Variants in MYDGF observed in about 807,000 individuals in gnomAD.
The protein encoded by MYDGF is myeloid-derived growth factor.
MYDGF carries 29 observed loss-of-function variants against 24.2 expected under a neutral mutation model. The observed-to-expected ratio is 1.20, with a 90% CI of 0.89 to 1.63. MYDGF has a LOEUF of 1.63. Among genes scored for constraint, MYDGF ranks in the 40% most tolerant of loss-of-function variants. The pLI, the probability that MYDGF is intolerant of heterozygous loss-of-function variation, is 0.00. For missense variants in MYDGF, 245 were observed against 234.8 expected, an observed-to-expected ratio of 1.04 and a Z score of -0.29; for synonymous variants, 105 against 102.5, an observed-to-expected ratio of 1.02 and a Z score of -0.15.
At chr19:4,668,412 T>C (rs1413054523) in intron 2 of MYDGF, among the ~76,000 whole-genome samples, 183 bp downstream of exon 2, 3 of 152,194 alleles carry the variant, frequency 2.0e-5, no homozygotes, top group Non-Finnish European at 4.4e-5. Flanking sequence ...TGTAGAATAA[T>C]AACAGCAGAA....
chr19:4,667,404 A>G (rs1274671648), intron 2 of MYDGF, among the ~76,000 whole-genome samples: 2 of 152,022 alleles, frequency 1.3e-5, no homozygotes, highest in African/African-American at 4.8e-5. Context: ...CTGGGATTAC[A>G]GGCATGAGCC....
intron 1 of MYDGF, among the ~76,000 whole-genome samples, chr19:4,669,261 G>A (rs2088544527): frequency 2.0e-5 from 3 of 152,208 alleles, no homozygotes; most frequent in African/African-American, 7.2e-5. Context: ...GTCACCTGCG[G>A]TCAGGAGTTC....
chr19:4,660,843 G>C (rs2088465004), intron 3 of MYDGF, 93 bp from the exon 4 acceptor site: 7 of 1,021,222 alleles, frequency 6.9e-6, no homozygotes, highest in African/African-American at 1.6e-5. Flanking sequence ...ACTCGGGCTG[G>C]GGTCAGCAGG....
chr19:4,670,230 G>A lies in MYDGF; in HGVS notation c.105C>T (p.Pro35=). The A allele has an allele frequency of 6.4e-7, 1 of 1,571,364 alleles. No homozygotes were observed. The highest frequency in any genetic ancestry group is 8.6e-7 in the Non-Finnish European group (1 of 1,161,746). ...ALRPAEAVSE[P]TTVAFDVRPG... is the part of the protein sequence containing the mutation. ...GCCGCACGTCAAACGCCACCGTCGT[G>A]GGCTCGGACACCGCCTCCGCCGGCC... Residue 35 remains proline, a synonymous_variant, in exon 1 of 6, where the codon CCC becomes CCT. Transcript: ENST00000262947.
rs577767934 is a variant in MYDGF, at chr19:4,660,558, C to A, written c.369+111G>T. ...ACACACCCTACCTCTGCAGGATTCG[C>A]TGTCCCCTCTCCTCCCTGTCCCCAT... On this transcript the variant is annotated intron_variant, in intron 4 of 5. Transcript: ENST00000262947. 23 of 1,028,240 alleles carry A rather than the reference C, an allele frequency of 2.2e-5. No individual in the cohort carries two copies. In the African/African-American group the frequency reaches 3.5e-4, roughly 16 times the overall value. The allele number at this position is 1,028,240 out of a possible 1,614,324, so 63.7% of individuals were successfully genotyped here.
intron 2 of MYDGF, 49 bp from the exon 3 acceptor site, chr19:4,664,986 C>G (rs202042429): frequency 1.9e-6 from 3 of 1,590,304 alleles, no homozygotes; most frequent in African/African-American, 2.7e-5. Context: ...CAGCTGCTCT[C>G]GGAGACTTCT....
At chr19:4,663,940 G>T (rs1333578637) in intron 3 of MYDGF, among the ~76,000 whole-genome samples, 3 of 151,336 alleles carry the variant, frequency 2.0e-5, no homozygotes, top group Non-Finnish European at 4.4e-5. Flanking sequence ...CAGCCGGGGG[G>T]ATCTGAGCTC....
chr19:4,665,752 C>T (rs1268220251), intron 2 of MYDGF, among the ~76,000 whole-genome samples: 3 of 130,814 alleles, frequency 2.3e-5, no homozygotes, highest in Non-Finnish European at 3.1e-5. Flanking sequence ...ACCCGGGAGG[C>T]GGAGCTTGCA....
Position 4,664,024 on chromosome 19 carries a change from C to G in MYDGF, c.287+852G>C, listed in dbSNP as rs548086861. On this transcript the variant is annotated intron_variant, in intron 3 of 5. Transcript: ENST00000262947. ...GAAATGAGGCTGACACGGGCCTCAGCATGGATGAGCCTTGAGGACGTCACG... is the reference window on the plus strand; with the variant it reads ...GAAATGAGGCTGACACGGGCCTCAGGATGGATGAGCCTTGAGGACGTCACG... Among the ~76,000 whole-genome samples, 273 of 151,792 alleles carry G rather than the reference C, an allele frequency of 1.8e-3. 2 individuals carry two copies. Among genetic ancestry groups the G allele is most frequent in the African/African-American group, 5.8e-3 (240 of 41,352 alleles).
chr19:4,667,234 T>G (rs1156927278), intron 2 of MYDGF, among the ~76,000 whole-genome samples: 1 of 149,372 alleles, frequency 6.7e-6, no homozygotes, highest in Non-Finnish European at 1.5e-5. Context: ...GTTCACGCCA[T>G]TCTCCTGCCT....
chr19:4,666,934 C>G (rs1037718272), intron 2 of MYDGF, among the ~76,000 whole-genome samples: 1 of 152,052 alleles, frequency 6.6e-6, no homozygotes, highest in Non-Finnish European at 1.5e-5. Context: ...ACTGGTAGCT[C>G]AAGGTCCTCT....
chr19:4,667,568 G>A (rs2088531363), intron 2 of MYDGF, among the ~76,000 whole-genome samples: 1 of 152,006 alleles, frequency 6.6e-6, no homozygotes, highest in Non-Finnish European at 1.5e-5. Context: ...CACTGTGCCT[G>A]GCCCAAATCA....
At chr19:4,659,015 C>T (rs1319034779) in intron 5 of MYDGF, among the ~76,000 whole-genome samples, 1 of 151,966 alleles carries the variant, frequency 6.6e-6, no homozygotes, top group Non-Finnish European at 1.5e-5. Flanking sequence ...GTTGGCTAGG[C>T]TGGTCTGGAA....
Position 4,657,705 on chromosome 19 carries a change from G to T in MYDGF, c.*300C>A. 1 of 271,328 alleles carries T rather than the reference G, an allele frequency of 3.7e-6. No individual in the cohort carries two copies. Among genetic ancestry groups the T allele is most frequent in the Non-Finnish European group, 7.0e-6 (1 of 143,242 alleles). The allele number at this position is 271,328 out of a possible 1,614,324, so 16.8% of individuals were successfully genotyped here. A position where few individuals can be genotyped will look rare whatever the true frequency, so the allele number is the denominator to read the frequency against. ...GGGGGGAGCATGGCTGCTTTCCCCAGCATAGCCCCCATGTTCCCCACCCTC... is the reference window on the plus strand; with the variant it reads ...GGGGGGAGCATGGCTGCTTTCCCCATCATAGCCCCCATGTTCCCCACCCTC... On this transcript the variant is annotated 3_prime_UTR_variant, in exon 6 of 6. Coordinates refer to ENST00000262947, the MANE Select transcript of MYDGF (RefSeq NM_019107.4).
At chr19:4,664,653 G>A (rs918029272) in intron 3 of MYDGF, among the ~76,000 whole-genome samples, 8 of 151,634 alleles carry the variant, frequency 5.3e-5, no homozygotes, top group Admixed American at 3.9e-4. Context: ...GGCTCCCCCC[G>A]TCTCCCCCAG....
intron 5 of MYDGF, chr19:4,659,548 G>A: frequency 2.5e-6 from 1 of 399,154 alleles, no homozygotes; most frequent in Non-Finnish European, 4.4e-6. Context: ...ATTTTGTAGA[G>A]ACAGGGTCTC....
At position 4,659,914 on chromosome 19, in the gene MYDGF, T is replaced by C. The variant is rs1449967448; in HGVS notation, c.442+17A>G. Reference sequence around the variant, plus strand: ...TGGGGGTGGCGTCACCTCTACCCCATCCCCATCTTTCCGTACCTGCTGTTT... The same window carrying C: ...TGGGGGTGGCGTCACCTCTACCCCACCCCCATCTTTCCGTACCTGCTGTTT... On this transcript the variant is annotated intron_variant, in intron 5 of 5. Transcript: ENST00000262947. 1 of 1,612,080 alleles carries C rather than the reference T, an allele frequency of 6.2e-7. No individual in the cohort carries two copies. The highest frequency in any genetic ancestry group is 1.3e-5 in the African/African-American group (1 of 74,822).
At chr19:4,665,316 G>A (rs2088512164) in intron 2 of MYDGF, among the ~76,000 whole-genome samples, 1 of 152,144 alleles carries the variant, frequency 6.6e-6, no homozygotes, top group South Asian at 2.1e-4. Flanking sequence ...TCTACCTCCT[G>A]GGCTCAAGCG....
In MYDGF at chr19:4,669,991, C is replaced by T. The variant is rs184691007; in HGVS notation, c.174+170G>A. 9.6e-4 allele frequency among the ~76,000 whole-genome samples: 146 copies of T among 152,200 alleles called. 1 individual carries two copies. The highest frequency in any genetic ancestry group is 3.4e-3 in the African/African-American group (142 of 41,562). ...AGTCCTGCCCCAGTGATGACCCCGG[C>T]CTCACGGTCCCGCGCCCCCCACTCA... On this transcript the variant is annotated intron_variant, in intron 1 of 5. Transcript: ENST00000262947.
Sources: gnomAD v4.1 joint callset for allele counts (sites outside exome capture counted in the v4.1 genomes callset) on GRCh38, gnomAD v4.1.1 for gene constraint, MANE v1.5 for transcripts, NCBI Gene and HGNC (gene_info 2026-07-23, HGNC 2026-07-21) for gene names.